The following SLC5A9 variants were observed in gnomAD, a reference collection of about 807,000 sequenced individuals.
The protein encoded by SLC5A9 is sodium/glucose cotransporter 4.
SLC5A9 carries 59 observed loss-of-function variants against 70.9 expected under a neutral mutation model. The ratio of observed to expected loss-of-function variants is 0.83; its 90% CI spans 0.68 to 1.03. SLC5A9 has a LOEUF of 1.03. Among genes scored for constraint, SLC5A9 ranks in the 50% least tolerant of loss-of-function variants. The pLI is 0.00. For synonymous variants in SLC5A9, 340 were observed against 346.5 expected, an observed-to-expected ratio of 0.98 and a Z score of 0.21; for missense variants, 832 against 881.1, an observed-to-expected ratio of 0.94 and a Z score of 0.71.
intron 10 of SLC5A9, among the ~76,000 whole-genome samples, chr1:48,236,628 CT>C: frequency 6.6e-6 from 1 of 152,212 alleles, no homozygotes; most frequent in East Asian, 1.9e-4. Flanking sequence ...GGTTCCCTAA[CT>C]TGGATTTCTG....
chr1:48,228,735 C>T (rs1394421961), intron 2 of SLC5A9, 115 bp from the exon 3 acceptor site: 3 of 1,500,162 alleles, frequency 2.0e-6, no homozygotes, highest in East Asian at 4.7e-5. Context: ...GAATGCAGTG[C>T]CTGGCATACA....
At chr1:48,232,340 T>G (rs1279070311) in intron 7 of SLC5A9, 27 bp from the exon 8 acceptor site, 6 of 1,613,020 alleles carry the variant, frequency 3.7e-6, no homozygotes, top group Non-Finnish European at 4.2e-6. Flanking sequence ...CTACCTGCGC[T>G]GCACTCCTCA....
chr1:48,244,327 G>A (rs537801438), intron 13 of SLC5A9, among the ~76,000 whole-genome samples: 1 of 152,250 alleles, frequency 6.6e-6, no homozygotes, highest in South Asian at 2.1e-4. Flanking sequence ...GCAATGCCAT[G>A]CCACTCAGTT....
intron 13 of SLC5A9, among the ~76,000 whole-genome samples, chr1:48,244,902 ATATATAT>A (rs1243048280): frequency 7.1e-5 from 8 of 112,548 alleles, no homozygotes; most frequent in Admixed American, 3.4e-4. Flanking sequence ...ATATATATAT[ATATATAT>A]AAAACCTCTG....
chr1:48,224,657 G>C lies in SLC5A9; in HGVS notation c.163-67G>C, dbSNP rs570111227. The stretch of plus-strand genomic sequence containing the variant: ...CTGCACCGAGGGGAAGGAAATCTGC[G>C]GGGAGGGGGCAGGGCAGAGGTTCAG... On this transcript the variant is annotated intron_variant, in intron 1 of 13. Coordinates refer to ENST00000438567, the MANE Select transcript of SLC5A9 (RefSeq NM_001011547.3). 1.8e-5 allele frequency: 28 copies of C among 1,524,912 alleles called. No individual in the cohort carries two copies. In the African/African-American group the frequency reaches 3.3e-4, roughly 18 times the overall value. The allele number at this position is 1,524,912 out of a possible 1,614,324, so 94.5% of individuals were successfully genotyped here. A position where few individuals can be genotyped will look rare whatever the true frequency, so the allele number is the denominator to read the frequency against.
intron 10 of SLC5A9, 131 bp from the exon 11 acceptor site, chr1:48,237,548 C>T (rs1644342926): frequency 1.2e-6 from 1 of 836,062 alleles, no homozygotes. Context: ...ATTCTGGCTG[C>T]CAACCTTCTC....
chr1:48,228,742 T>A, intron 2 of SLC5A9, 108 bp from the exon 3 acceptor site: 4 of 1,533,444 alleles, frequency 2.6e-6, no homozygotes, highest in Non-Finnish European at 2.6e-6. Flanking sequence ...GTGCCTGGCA[T>A]ACAGTGGGTA....
Position 48,242,543 on chromosome 1 carries a change from G to C in SLC5A9, c.1764G>C (p.Glu588Asp). Residue 588 changes from glutamate (E) to aspartate (D), a missense_variant, in exon 13 of 14, where the codon GAG becomes GAC. Transcript: ENST00000438567. ...ACGAGAGCACACCGGAGATATCCGA[G>C]AGGCCAGCCGGGGAGTGCCCTGCAG... ...EAHESTPEIS[E>D]RPAGECPAGG... The C allele has an allele frequency of 5.0e-6, 8 of 1,613,900 alleles. No homozygotes were observed. Among genetic ancestry groups the C allele is most frequent in the Non-Finnish European group, 6.8e-6 (8 of 1,179,832 alleles).
Position 48,237,794 on chromosome 1 carries a change from C to T in SLC5A9, c.1408C>T (p.Pro470Ser), listed in dbSNP as rs1557479793. Residue 470 changes from proline to serine, a missense_variant, in exon 11 of 14, where the codon CCC becomes TCC. By Grantham distance (74) the Pro-to-Ser change is moderately conservative. Coordinates refer to ENST00000438567, the MANE Select transcript of SLC5A9 (RefSeq NM_001011547.3). The stretch of plus-strand genomic sequence containing the variant: ...GGCTGTCACCAGTTACCTGGCCCCA[C>T]CCATCACCGCTCTCTTCCTGCTGGC... ...IQAVTSYLAP[P>S]ITALFLLAIF... 2 of 1,614,144 alleles carry T rather than the reference C, an allele frequency of 1.2e-6. No homozygotes were observed. Among genetic ancestry groups the T allele is most frequent in the Non-Finnish European group, 1.7e-6 (2 of 1,180,038 alleles).
chr1:48,242,298 A>G, intron 12 of SLC5A9, 159 bp from the exon 13 acceptor site: 1 of 773,782 alleles, frequency 1.3e-6, no homozygotes, highest in South Asian at 1.7e-5. Context: ...AAGAAAGAGG[A>G]AGTCAGGGCT....
intron 12 of SLC5A9, chr1:48,242,116 C>T: frequency 2.1e-6 from 1 of 473,010 alleles, no homozygotes; most frequent in South Asian, 1.6e-5. Context: ...GACTCCTCAG[C>T]CTGACCTTTG....
At chr1:48,241,922 C>T (rs1402955030) in intron 12 of SLC5A9, 2 of 456,142 alleles carry the variant, frequency 4.4e-6, no homozygotes, top group African/African-American at 4.0e-5. Flanking sequence ...CCTGATTTCA[C>T]CTCCTTTACC....
chr1:48,222,820 C>T lies in SLC5A9; in HGVS notation c.84C>T (p.Asp28=). ...AGACAGCTCCACACATAGCACTGGA[C>T]TCCAGAGTTGGTCTGCACGCCTACG... is the stretch of plus-strand genomic sequence containing the variant. The part of the protein sequence containing the change: ...RTETAPHIAL[D]SRVGLHAYDI... Residue 28 remains aspartate, a synonymous_variant, in exon 1 of 14, where the codon GAC becomes GAT. Coordinates refer to ENST00000438567, the MANE Select transcript of SLC5A9 (RefSeq NM_001011547.3). 1 of 1,613,432 alleles carries T rather than the reference C, an allele frequency of 6.2e-7. No individual in the cohort carries two copies. Among genetic ancestry groups the T allele is most frequent in the South Asian group, 1.1e-5 (1 of 91,070 alleles).
intron 12 of SLC5A9, 25 bp from the exon 13 acceptor site, chr1:48,242,432 A>C: frequency 6.4e-7 from 1 of 1,560,636 alleles, no homozygotes; most frequent in African/African-American, 1.4e-5. Context: ...AAGGCAACTG[A>C]CTCCAGTGTC....
Position 48,235,710 on chromosome 1 carries a change from G to A in SLC5A9, c.1142-19G>A, listed in dbSNP as rs757961089. ...GCCTTAATGGGCCAGCCGTTCACATGAGCCTCGTCTCTCCCCAGGTCTGCG... is the reference window on the plus strand; with the variant it reads ...GCCTTAATGGGCCAGCCGTTCACATAAGCCTCGTCTCTCCCCAGGTCTGCG... On this transcript the variant is annotated intron_variant, in intron 9 of 13. Coordinates refer to ENST00000438567, the MANE Select transcript of SLC5A9 (RefSeq NM_001011547.3). 6.2e-7 allele frequency: 1 copy of A among 1,613,894 alleles called. No individual in the cohort carries two copies. The highest frequency in any genetic ancestry group is 8.5e-7 in the Non-Finnish European group (1 of 1,179,792).
At chr1:48,228,637 C>A in intron 2 of SLC5A9, 1 of 725,650 alleles carries the variant, frequency 1.4e-6, no homozygotes, top group South Asian at 2.2e-5. Context: ...GCCATGAATT[C>A]ATCTTTCCTT....
intron 11 of SLC5A9, among the ~76,000 whole-genome samples, chr1:48,238,898 C>T (rs1185786200): frequency 6.6e-6 from 1 of 152,220 alleles, no homozygotes; most frequent in East Asian, 1.9e-4. Context: ...TCTGATTTAT[C>T]ATGACAGAAG....
chr1:48,243,300 G>GTTTTC (rs1644413637), intron 13 of SLC5A9, among the ~76,000 whole-genome samples: 1 of 152,088 alleles, frequency 6.6e-6, no homozygotes, highest in African/African-American at 2.4e-5. Context: ...CTGTTTTCAT[G>GTTTTC]AGGTTCCTAC....
chr1:48,240,058 T>C (rs1256046168), intron 12 of SLC5A9, among the ~76,000 whole-genome samples: 1 of 152,208 alleles, frequency 6.6e-6, no homozygotes, highest in Non-Finnish European at 1.5e-5. Context: ...AATCCTCCCC[T>C]GTCACAAGCA....
Sources: gnomAD v4.1 joint callset for allele counts (sites outside exome capture counted in the v4.1 genomes callset) on GRCh38, gnomAD v4.1.1 for gene constraint, MANE v1.5 for transcripts, NCBI Gene and HGNC (gene_info 2026-07-23, HGNC 2026-07-21) for gene names.